Variants in RIMS3 observed in about 807,000 individuals in gnomAD.
RIMS3 encodes regulating synaptic membrane exocytosis 3, also known as regulating synaptic membrane exocytosis protein 3.
RIMS3 carries 15 observed loss-of-function variants against 29.2 expected under a neutral mutation model. The observed-to-expected ratio is 0.51, with a 90% confidence interval of 0.34 to 0.79. The LOEUF (loss-of-function observed/expected upper bound fraction) is 0.79, where lower values mean the gene tolerates loss of function less well. Ranked by LOEUF, RIMS3 falls within the 30% of genes least tolerant of loss-of-function variation. The pLI is 0.01. For missense variants in RIMS3, 342 were observed against 421.4 expected, an observed-to-expected ratio of 0.81 and a Z score of 1.65; for synonymous variants, 161 against 170.1, an observed-to-expected ratio of 0.95 and a Z score of 0.41.
Position 40,654,931 on chromosome 1 carries a change from C to T in RIMS3, c.-206-7089G>A, listed in dbSNP as rs1642254145. On this transcript the variant is annotated intron_variant, in intron 1 of 7. Transcript: ENST00000372684. This position sits in a 1 kb window ranked among gnomAD's most constrained non-coding sequence, Gnocchi z 5.3. ...ACACAAGCACACACCCCACACTCTACCCAGGCCCTCCATCCTCCTGGTGCC... is the reference window on the plus strand; with the variant it reads ...ACACAAGCACACACCCCACACTCTATCCAGGCCCTCCATCCTCCTGGTGCC... Among the ~76,000 whole-genome samples, 3 of 152,186 alleles carry T rather than the reference C, an allele frequency of 2.0e-5. No individual in the cohort carries two copies. Among genetic ancestry groups the T allele is most frequent in the Admixed American group, 2.0e-4 (3 of 15,282 alleles).
Position 40,623,179 on chromosome 1 carries a change from C to T in RIMS3, c.*3338G>A. On this transcript the variant is annotated 3_prime_UTR_variant, in exon 8 of 8. Coordinates refer to ENST00000372684, the MANE Select transcript of RIMS3 (RefSeq NM_014747.3). ...CATGAAATGCTGGCATTGCCTGGGA[C>T]TTGCTGCATCCCAAGAGCCTCCTAA... The T allele has an allele frequency of 2.7e-6, 1 of 376,680 alleles. No homozygotes were observed. Among genetic ancestry groups the T allele is most frequent in the Admixed American group, 4.5e-5 (1 of 21,986 alleles). The allele number at this position is 376,680 out of a possible 1,614,324, so 23.3% of individuals were successfully genotyped here. A position where few individuals can be genotyped will look rare whatever the true frequency, so the allele number is the denominator to read the frequency against.
chr1:40,653,533 T>G (rs1642226278), intron 1 of RIMS3, among the ~76,000 whole-genome samples: 3 of 152,006 alleles, frequency 2.0e-5, no homozygotes, highest in Admixed American at 6.5e-5. Context: ...GGAGCACAGC[T>G]GGAATGGAAA....
chr1:40,689,308 G>C, the RIMS3 span, among the ~76,000 whole-genome samples: 3 of 152,050 alleles, frequency 2.0e-5, no homozygotes, highest in African/African-American at 7.3e-5. Flanking sequence ...TTGAGACAGA[G>C]TCTCACTCTG....
At chr1:40,643,696 C>G (rs1365469686) in intron 2 of RIMS3, among the ~76,000 whole-genome samples, 1 of 152,154 alleles carries the variant, frequency 6.6e-6, no homozygotes, top group Non-Finnish European at 1.5e-5. Flanking sequence ...CCAGGCTGGT[C>G]TCAAACTCCT....
intron 4 of RIMS3, 35 bp from the exon 5 acceptor site, chr1:40,633,216 CA>C: frequency 6.5e-7 from 1 of 1,534,524 alleles, no homozygotes; most frequent in Non-Finnish European, 9.0e-7. Flanking sequence ...GTGAGGGGGT[CA>C]GGGCAACCTG....
chr1:40,689,819 G>T, the RIMS3 span, among the ~76,000 whole-genome samples: 1 of 152,126 alleles, frequency 6.6e-6, no homozygotes, highest in East Asian at 1.9e-4. Flanking sequence ...AAATACTCTA[G>T]TACTACCTGG....
chr1:40,623,421 C>A lies in RIMS3; in HGVS notation c.*3096G>T, dbSNP rs1646434421. On this transcript the variant is annotated 3_prime_UTR_variant, in exon 8 of 8. Transcript: ENST00000372684. ...GAGCAGAAATACAAAGACAGACGCT[C>A]TGAGTCATCCATCACTGTCCCTGCC... 1 of 398,504 alleles carries A rather than the reference C, an allele frequency of 2.5e-6. No individual in the cohort carries two copies. The highest frequency in any genetic ancestry group is 2.1e-5 in the African/African-American group (1 of 48,608). The allele number at this position is 398,504 out of a possible 1,614,324, so 24.7% of individuals were successfully genotyped here. A position where few individuals can be genotyped will look rare whatever the true frequency, so the allele number is the denominator to read the frequency against.
At chr1:40,639,833 G>A (rs1646544341) in intron 3 of RIMS3, among the ~76,000 whole-genome samples, 2 of 152,024 alleles carry the variant, frequency 1.3e-5, no homozygotes, top group African/African-American at 4.8e-5. Context: ...GATTCACAGA[G>A]ACCTTCAGTT....
the RIMS3 span, among the ~76,000 whole-genome samples, chr1:40,684,395 G>A: frequency 2.0e-5 from 3 of 152,144 alleles, no homozygotes; most frequent in Admixed American, 1.3e-4. Context: ...ATCTCCAGAA[G>A]AAAAATCCTG....
At chr1:40,633,895 T>C (rs1003878608) in intron 4 of RIMS3, among the ~76,000 whole-genome samples, 1 of 152,242 alleles carries the variant, frequency 6.6e-6, no homozygotes, top group Admixed American at 6.5e-5. Flanking sequence ...AAGGTAAAAT[T>C]GCCTTGCCTG....
In RIMS3 at chr1:40,623,751, T is replaced by G; in HGVS notation, c.*2766A>C. The G allele has an allele frequency of 2.6e-6, 1 of 378,118 alleles. No homozygotes were observed. Among genetic ancestry groups the G allele is most frequent in the South Asian group, 1.5e-4 (1 of 6,732 alleles). The allele number at this position is 378,118 out of a possible 1,614,324, so 23.4% of individuals were successfully genotyped here. A position where few individuals can be genotyped will look rare whatever the true frequency, so the allele number is the denominator to read the frequency against. On this transcript the variant is annotated 3_prime_UTR_variant, in exon 8 of 8. Transcript: ENST00000372684. The stretch of plus-strand genomic sequence containing the variant: ...TGCATTCTCCTCTTCTGGGACAGGC[T>G]AGGTCCAGAGTGGCTTTTCAGACAA...
the RIMS3 span, among the ~76,000 whole-genome samples, chr1:40,688,110 G>A: frequency 1.3e-5 from 2 of 152,050 alleles, no homozygotes; most frequent in Non-Finnish European, 2.9e-5. Flanking sequence ...GATTACAGGC[G>A]TGTGCCACCA....
rs758869018 is a variant in RIMS3 at position 40,636,609 on chromosome 1, T to C, written c.218-552A>G. Among the ~76,000 whole-genome samples the C allele has an allele frequency of 6.6e-6, 1 of 152,102 alleles. No individual in the cohort carries two copies. Among genetic ancestry groups the C allele is most frequent in the Non-Finnish European group, 1.5e-5 (1 of 68,010 alleles). ...CACTCTCAAACAAACCCACCTTCTC[T>C]AGGTGGGGCTGAACATGGAGAGGAC... On this transcript the variant is annotated intron_variant, in intron 3 of 7. Transcript: ENST00000372684. The surrounding 1 kb of genome is among the most constrained non-coding windows in gnomAD (Gnocchi z 4.2).
At chr1:40,677,834 T>G in the RIMS3 span, among the ~76,000 whole-genome samples, 5 of 152,194 alleles carry the variant, frequency 3.3e-5, no homozygotes, top group African/African-American at 1.2e-4. Context: ...AAAAGTCGTG[T>G]TCTTGACATG....
chr1:40,639,144 GA>G (rs1345677171), intron 3 of RIMS3, among the ~76,000 whole-genome samples: 1 of 152,192 alleles, frequency 6.6e-6, no homozygotes, highest in Non-Finnish European at 1.5e-5. Flanking sequence ...GGGCAGACCT[GA>G]GCCCAGAAGA....
the RIMS3 span, among the ~76,000 whole-genome samples, chr1:40,680,400 T>C: frequency 1.3e-5 from 2 of 151,572 alleles, no homozygotes; most frequent in African/African-American, 4.9e-5. Context: ...AGTGCAATCT[T>C]GGCTCACTGC....
At chr1:40,629,098 T>C in intron 6 of RIMS3, 149 bp from the exon 7 acceptor site, 1 of 1,131,560 alleles carries the variant, frequency 8.8e-7, no homozygotes, top group Non-Finnish European at 1.3e-6. Flanking sequence ...GTGACTCAAG[T>C]ACTGATTCCT....
At chr1:40,643,782 G>A (rs187331694) in intron 2 of RIMS3, among the ~76,000 whole-genome samples, 2 of 152,182 alleles carry the variant, frequency 1.3e-5, no homozygotes, top group East Asian at 3.9e-4. Flanking sequence ...CCCAGCCTAA[G>A]CATCTTTCTA....
chr1:40,650,096 C>G (rs1057290930), intron 1 of RIMS3, among the ~76,000 whole-genome samples: 1 of 152,112 alleles, frequency 6.6e-6, no homozygotes, highest in Admixed American at 6.5e-5. Flanking sequence ...ATGGGGTGGT[C>G]GGACTCAAAC....
Sources: allele counts gnomAD v4.1 joint callset (sites outside exome capture counted in the v4.1 genomes callset), GRCh38; gene constraint gnomAD v4.1.1; non-coding constraint Gnocchi (gnomAD v3.1); transcripts MANE v1.5; gene names NCBI Gene and HGNC (gene_info 2026-07-23, HGNC 2026-07-21).